ALDH1A2: variants seen among roughly 807,000 people sequenced by gnomAD.
ALDH1A2 encodes the protein aldehyde dehydrogenase 1 family member A2, also known as retinal dehydrogenase 2.
A neutral mutation model predicts 60.3 loss-of-function variants in ALDH1A2; 27 were observed. The observed-to-expected ratio is 0.45, with a 90% CI of 0.33 to 0.62. The LOEUF (loss-of-function observed/expected upper bound fraction) is 0.62, where lower values mean the gene tolerates loss of function less well. Among genes scored for constraint, ALDH1A2 ranks in the 20% least tolerant of loss-of-function variants. The pLI is 0.02. For synonymous variants in ALDH1A2, 289 were observed against 232.4 expected (o/e 1.24, Z -2.21); for missense variants, 581 against 643.8 (o/e 0.90, Z 1.06).
At chr15:58,026,045 A>C (rs1190301359) in intron 1 of ALDH1A2, among the ~76,000 whole-genome samples, 1 of 152,290 alleles carries the variant, frequency 6.6e-6, no homozygotes, top group African/African-American at 2.4e-5. Context: ...CATCCAAACC[A>C]TATCAAGGGA....
At chr15:57,964,096 A>G in intron 8 of ALDH1A2, 27 bp from the exon 9 acceptor site, 1 of 1,612,854 alleles carries the variant, frequency 6.2e-7, no homozygotes, top group Non-Finnish European at 8.5e-7. Context: ...CCATGTTCTC[A>G]CCGCTTTGCC....
intron 7 of ALDH1A2, among the ~76,000 whole-genome samples, chr15:57,989,727 AG>A (rs575370557): frequency 2.5e-4 from 38 of 152,218 alleles, no homozygotes; most frequent in African/African-American, 9.2e-4. Context: ...TGAGTTGCAA[AG>A]GGGTAGACTG....
chr15:57,989,114 G>C (rs1352674167), intron 7 of ALDH1A2, among the ~76,000 whole-genome samples: 4 of 152,232 alleles, frequency 2.6e-5, no homozygotes, highest in African/African-American at 7.2e-5. Flanking sequence ...ACGCCATTGC[G>C]CTCCAGCCTG....
At chr15:57,986,121 G>C (rs1249102864) in intron 7 of ALDH1A2, among the ~76,000 whole-genome samples, 1 of 152,168 alleles carries the variant, frequency 6.6e-6, no homozygotes, top group Non-Finnish European at 1.5e-5. Context: ...TGGAGTAACC[G>C]ACACTGGACT....
At chr15:57,961,366 A>G (rs1430902699) in intron 10 of ALDH1A2, 72 bp from the exon 11 acceptor site, 15 of 1,546,824 alleles carry the variant, frequency 9.7e-6, no homozygotes, top group Non-Finnish European at 1.3e-5. Flanking sequence ...TTTCAATGCA[A>G]GTTTACTCTG....
intron 1 of ALDH1A2, among the ~76,000 whole-genome samples, chr15:58,035,399 T>C (rs1185452231): frequency 6.6e-6 from 1 of 151,646 alleles, no homozygotes; most frequent in Non-Finnish European, 1.5e-5. Context: ...AAAGAACCAG[T>C]CTACAGTTTT....
chr15:58,046,828 T>C (rs571681090), intron 1 of ALDH1A2, among the ~76,000 whole-genome samples: 3 of 152,170 alleles, frequency 2.0e-5, no homozygotes, highest in South Asian at 4.1e-4. Flanking sequence ...AAGGATATAG[T>C]AAATCATGTT....
At chr15:57,974,118 T>C (rs1290123328) in intron 7 of ALDH1A2, among the ~76,000 whole-genome samples, 1 of 152,092 alleles carries the variant, frequency 6.6e-6, no homozygotes, top group East Asian at 1.9e-4. Context: ...GTCACACAGA[T>C]TACTGAAACA....
chr15:58,052,224 C>A (rs978840172), intron 1 of ALDH1A2, among the ~76,000 whole-genome samples: 1 of 152,012 alleles, frequency 6.6e-6, no homozygotes, highest in Admixed American at 6.6e-5. Flanking sequence ...TGTTTGAGTG[C>A]AAATTTTCGG....
At chr15:57,996,962 A>C (rs2140496649) in intron 4 of ALDH1A2, among the ~76,000 whole-genome samples, 1 of 152,108 alleles carries the variant, frequency 6.6e-6, no homozygotes, top group Non-Finnish European at 1.5e-5. Flanking sequence ...CCATTTGAAG[A>C]GCTCTATGGA....
At chr15:58,014,309 C>T (rs1247907393) in intron 1 of ALDH1A2, 28 bp from the exon 2 acceptor site, 1 of 1,569,680 alleles carries the variant, frequency 6.4e-7, no homozygotes, top group African/African-American at 1.4e-5. Flanking sequence ...AGAATGGGAT[C>T]TGTGACACAG....
At chr15:58,036,864 G>C (rs1896389741) in intron 1 of ALDH1A2, 1 of 151,610 alleles carries the variant, frequency 6.6e-6, no homozygotes, top group Admixed American at 6.6e-5. Context: ...ATAACACTTT[G>C]GGGAAATAAG....
chr15:58,053,513 T>C (rs1213910227), intron 1 of ALDH1A2, among the ~76,000 whole-genome samples: 1 of 152,072 alleles, frequency 6.6e-6, no homozygotes, highest in Admixed American at 6.6e-5. Context: ...GAAAGCAAAA[T>C]GTTTGGTTTG....
chr15:58,065,288 G>C, intron 1 of ALDH1A2: 1 of 534,942 alleles, frequency 1.9e-6, no homozygotes, highest in Non-Finnish European at 3.4e-6. Flanking sequence ...AGGAGCCGTT[G>C]ACGGCTGCCC....
intron 1 of ALDH1A2, among the ~76,000 whole-genome samples, chr15:58,020,279 A>G (rs983418991): frequency 1.3e-5 from 2 of 152,240 alleles, no homozygotes; most frequent in Non-Finnish European, 2.9e-5. Context: ...TGCAATGAAC[A>G]TACGTGTGCA....
At position 57,977,912 on chromosome 15, in the gene ALDH1A2, A is replaced by G. The variant is rs1488317637; in HGVS notation, c.799-12085T>C. On this transcript the variant is annotated intron_variant, in intron 7 of 12. Coordinates refer to ENST00000249750, the MANE Select transcript of ALDH1A2 (RefSeq NM_003888.4). ...TAGTTCTCCTTGAAGAGGTCCTTCC[A>G]ATCTCTTCTAAGTTTTATTCCTGAG... 1.6e-4 allele frequency among the ~76,000 whole-genome samples: 24 copies of G among 152,160 alleles called. 1 individual carries two copies. The highest frequency in any genetic ancestry group is 1.5e-5 in the Non-Finnish European group (1 of 68,030).
At chr15:57,977,984 C>G (rs1894326829) in intron 7 of ALDH1A2, among the ~76,000 whole-genome samples, 1 of 151,986 alleles carries the variant, frequency 6.6e-6, no homozygotes, top group Non-Finnish European at 1.5e-5. Context: ...TCACTCATGA[C>G]TTGGTTGTTT....
chr15:58,065,328 TC>T (rs1411737302), intron 1 of ALDH1A2: 17 of 622,944 alleles, frequency 2.7e-5, no homozygotes, highest in Non-Finnish European at 4.6e-5. Flanking sequence ...TTGGGTTAAG[TC>T]CCCAAGGCGT....
chr15:58,011,069 G>A (rs1895619552), intron 3 of ALDH1A2, among the ~76,000 whole-genome samples: 2 of 152,086 alleles, frequency 1.3e-5, no homozygotes, highest in Non-Finnish European at 2.9e-5. Context: ...TGTTCTGCTT[G>A]TCAAAACAGC....
Sources: allele counts gnomAD v4.1 joint callset (sites outside exome capture counted in the v4.1 genomes callset), GRCh38; gene constraint gnomAD v4.1.1; transcripts MANE v1.5; gene names NCBI Gene and HGNC (gene_info 2026-07-23, HGNC 2026-07-21).